Variants in EPHA4 observed in about 807,000 individuals in gnomAD.
The protein encoded by EPHA4 is ephrin type-A receptor 4.
Under a neutral mutation model 108.3 loss-of-function variants are expected in EPHA4, and 19 were observed. That is an observed-to-expected ratio of 0.18 (90% CI 0.12 to 0.26). The LOEUF is 0.26. EPHA4 is among the 10% of genes least tolerant of loss of function. EPHA4 has a pLI of 1.00. For missense variants in EPHA4, 917 were observed against 1,254.0 expected, an observed-to-expected ratio of 0.73 and a Z score of 4.06; for synonymous variants, 449 against 455.5, an observed-to-expected ratio of 0.99 and a Z score of 0.18.
intron 3 of EPHA4, among the ~76,000 whole-genome samples, chr2:221,559,434 G>C (rs959666591): frequency 7.9e-5 from 12 of 152,096 alleles, no homozygotes; most frequent in African/African-American, 2.9e-4. Flanking sequence ...TTTTTGGCTG[G>C]GTGAGGTGGC....
intron 3 of EPHA4, among the ~76,000 whole-genome samples, chr2:221,530,165 CTTT>C (rs550017406): frequency 1.4e-5 from 2 of 143,936 alleles, no homozygotes; most frequent in South Asian, 2.2e-4. Flanking sequence ...TCTCTCCCTG[CTTT>C]TTTTTTTTTC....
At chr2:221,531,787 T>C (rs73994274) in intron 3 of EPHA4, among the ~76,000 whole-genome samples, 1,922 of 152,342 alleles carry the variant, frequency 0.013, 39 homozygotes, top group African/African-American at 0.043. Flanking sequence ...ATTTTATTTT[T>C]ATTGTTTACA....
At chr2:221,502,037 A>G (rs1431526068) in intron 3 of EPHA4, among the ~76,000 whole-genome samples, 1 of 152,002 alleles carries the variant, frequency 6.6e-6, no homozygotes, top group East Asian at 1.9e-4. Flanking sequence ...CACGGGCCAT[A>G]TAGTTTTTTA....
chr2:221,438,558 C>A (rs1690319239), intron 11 of EPHA4, among the ~76,000 whole-genome samples: 1 of 152,100 alleles, frequency 6.6e-6, no homozygotes, highest in African/African-American at 2.4e-5. Flanking sequence ...GAGGCCGAGG[C>A]AGGTGGGTCA....
intron 6 of EPHA4, 75 bp from the exon 7 acceptor site, chr2:221,456,847 A>G: frequency 6.5e-7 from 1 of 1,548,636 alleles, no homozygotes; most frequent in Non-Finnish European, 8.9e-7. Context: ...GCAATATTAA[A>G]GGAGTCAAGC....
rs958503888 is a variant in EPHA4 at position 221,418,969 on chromosome 2, T to G, written c.*2403A>C. ...TTTGTCACTCTGGCATAGAACACAA[T>G]GCCACACACCCTGTCAGAATGTAAT... is the stretch of plus-strand genomic sequence containing the variant. On this transcript the variant is annotated 3_prime_UTR_variant, in exon 18 of 18. Coordinates refer to ENST00000281821, the MANE Select transcript of EPHA4 (RefSeq NM_004438.5). The G allele has an allele frequency of 2.6e-5, 4 of 152,586 alleles. No homozygotes were observed. The highest frequency in any genetic ancestry group is 9.7e-5 in the African/African-American group (4 of 41,436). 9.5% of individuals were successfully genotyped at this position (152,586 alleles called of 1,614,324 possible).
intron 5 of EPHA4, among the ~76,000 whole-genome samples, chr2:221,463,147 G>T (rs1271090076): frequency 2.6e-5 from 4 of 152,168 alleles, no homozygotes; most frequent in African/African-American, 7.2e-5. Flanking sequence ...GTCATAGTGT[G>T]GGCGAGCAGC....
intron 11 of EPHA4, among the ~76,000 whole-genome samples, chr2:221,442,590 C>A (rs2288629): frequency 0.81 from 123,433 of 152,084 alleles, 50,281 homozygotes; most frequent in East Asian, 0.98. Flanking sequence ...TGGCATACCA[C>A]AAATCTGCAA....
rs534672427 is a variant in EPHA4, at chr2:221,462,542, ATCTT to A, written c.1319-4556_1319-4553del. On this transcript the variant is annotated intron_variant, in intron 5 of 17. Transcript: ENST00000281821. ...TTACATATTAAAATTTATCTAAAAAATCTTTACTGTAGATATCAAACATTTTCTA... is the reference window on the plus strand; with the variant it reads ...TTACATATTAAAATTTATCTAAAAAATACTGTAGATATCAAACATTTTCTA... Among the ~76,000 whole-genome samples the A allele has an allele frequency of 5.7e-4, 87 of 152,226 alleles. 1 individual carries two copies. Among genetic ancestry groups the A allele is most frequent in the Non-Finnish European group, 8.2e-4 (56 of 68,028 alleles).
Position 221,426,610 on chromosome 2 carries a change from A to G in EPHA4, c.2700T>C (p.Thr900=). The change falls in exon 16 of 18, where the codon ACT becomes ACC. Residue 900 remains threonine, a synonymous_variant. Coordinates refer to ENST00000281821, the MANE Select transcript of EPHA4 (RefSeq NM_004438.5). ...RTGTESSRPN[T]ALLDPSSPEF... is the part of the protein sequence containing the mutation. The stretch of plus-strand genomic sequence containing the variant: ...CAGGGGAGCTTGGATCCAACAAGGC[A>G]GTGTTAGGTCTAGAAAGAGAACAAG... The G allele has an allele frequency of 6.2e-7, 1 of 1,613,262 alleles. No homozygotes were observed.
intron 5 of EPHA4, among the ~76,000 whole-genome samples, chr2:221,462,570 T>G (rs1222433114): frequency 6.6e-6 from 1 of 152,212 alleles, no homozygotes; most frequent in East Asian, 1.9e-4. Context: ...AAACATTTTC[T>G]AAACATAAAG....
At chr2:221,438,414 G>GT (rs1690314835) in intron 11 of EPHA4, among the ~76,000 whole-genome samples, 1 of 151,652 alleles carries the variant, frequency 6.6e-6, no homozygotes, top group Admixed American at 6.6e-5. Context: ...GCTTTGTTTT[G>GT]TTTTTTCTAA....
chr2:221,524,577 A>G (rs928466051), intron 3 of EPHA4, among the ~76,000 whole-genome samples: 1 of 152,226 alleles, frequency 6.6e-6, no homozygotes, highest in African/African-American at 2.4e-5. Flanking sequence ...AACAAAGCCT[A>G]TGTCAAATGA....
chr2:221,457,822 A>G, intron 6 of EPHA4, 44 bp downstream of exon 6: 1 of 1,596,320 alleles, frequency 6.3e-7, no homozygotes, highest in Non-Finnish European at 8.6e-7. Flanking sequence ...AGAAGGAAGG[A>G]AGGAAGGAAG....
intron 8 of EPHA4, among the ~76,000 whole-genome samples, chr2:221,453,333 T>C (rs900611636): frequency 7.2e-5 from 11 of 152,188 alleles, no homozygotes; most frequent in Admixed American, 7.2e-4. Flanking sequence ...ATTTCAGACA[T>C]AGAAATATGT....
chr2:221,523,080 T>G (rs1426003569), intron 3 of EPHA4, among the ~76,000 whole-genome samples: 1 of 150,744 alleles, frequency 6.6e-6, no homozygotes, highest in Non-Finnish European at 1.5e-5. Flanking sequence ...TTTTTTAAAC[T>G]GTCTGTCCTT....
intron 5 of EPHA4, 49 bp from the exon 6 acceptor site, chr2:221,458,039 A>G: frequency 1.9e-6 from 3 of 1,591,804 alleles, no homozygotes; most frequent in Non-Finnish European, 2.6e-6. Context: ...AGGAAAATAA[A>G]TGGTTTTGGT....
At chr2:221,429,808 A>G (rs2106092120) in intron 15 of EPHA4, 150 bp downstream of exon 15, 1 of 719,552 alleles carries the variant, frequency 1.4e-6, no homozygotes, top group Non-Finnish European at 2.4e-6. Flanking sequence ...ACTACCTGAA[A>G]TACTCTACTA....
intron 3 of EPHA4, among the ~76,000 whole-genome samples, chr2:221,546,054 T>G (rs1693986953): frequency 6.6e-6 from 1 of 152,240 alleles, no homozygotes; most frequent in Non-Finnish European, 1.5e-5. Flanking sequence ...TACAATCATT[T>G]TTCTAGGTCT....
Sources: allele counts gnomAD v4.1 joint callset (sites outside exome capture counted in the v4.1 genomes callset), GRCh38; gene constraint gnomAD v4.1.1; transcripts MANE v1.5; gene names NCBI Gene and HGNC (gene_info 2026-07-23, HGNC 2026-07-21).